SEPTIN8: variants seen among roughly 807,000 people sequenced by gnomAD.
The protein encoded by SEPTIN8 is septin 8.
A neutral mutation model predicts 53.1 loss-of-function variants in SEPTIN8; 22 were observed. The ratio of observed to expected loss-of-function variants is 0.41; its 90% CI spans 0.30 to 0.59. SEPTIN8 has a LOEUF of 0.59. Ranked by LOEUF, SEPTIN8 falls within the 20% of genes least tolerant of loss-of-function variation. The pLI is 0.24. For missense variants in SEPTIN8, 536 were observed against 638.7 expected (o/e 0.84, Z 1.73); for synonymous variants, 228 against 248.4 (o/e 0.92, Z 0.77).
In SEPTIN8 at chr5:132,751,992, G is replaced by A. The variant is rs78904826; in HGVS notation, c.*24C>T. 5.0e-6 allele frequency: 8 copies of A among 1,611,854 alleles called. No homozygotes were observed. Among genetic ancestry groups the A allele is most frequent in the Admixed American group, 1.7e-5 (1 of 59,832 alleles). ...TCCATGCCCTGGTGGTCCTGAGCTGGCCCCATGTGTTGGAGCTGCTGCCTC... is the reference window on the plus strand; with the variant it reads ...TCCATGCCCTGGTGGTCCTGAGCTGACCCCATGTGTTGGAGCTGCTGCCTC... On this transcript the variant is annotated 3_prime_UTR_variant, in exon 10 of 10. Coordinates refer to ENST00000378719, the MANE Select transcript of SEPTIN8 (RefSeq NM_001098811.2).
At chr5:132,763,137 A>G (rs1054962622) in intron 4 of SEPTIN8, among the ~76,000 whole-genome samples, 1 of 152,158 alleles carries the variant, frequency 6.6e-6, no homozygotes, top group African/African-American at 2.4e-5. Context: ...CTGACAAGGG[A>G]TGTGGGGTCA....
intron 9 of SEPTIN8, among the ~76,000 whole-genome samples, chr5:132,759,697 G>A (rs56757437): frequency 1.3e-5 from 2 of 152,226 alleles, no homozygotes; most frequent in South Asian, 2.1e-4. Context: ...CGAGAATGAC[G>A]GCCAGGTTGG....
chr5:132,764,571 C>A, intron 2 of SEPTIN8, 152 bp from the exon 3 acceptor site: 2 of 622,816 alleles, frequency 3.2e-6, no homozygotes, highest in Non-Finnish European at 5.6e-6. Flanking sequence ...TCATCACCCC[C>A]ATTCCCCAGG....
Position 132,750,888 on chromosome 5 carries a change from A to G in SEPTIN8, c.*1128T>C, listed in dbSNP as rs1438061308. The stretch of plus-strand genomic sequence containing the variant: ...CCACAAGTAAAAGACTTCACAAAGC[A>G]CTATGGCTCTGACTATTCCCCGAAT... On this transcript the variant is annotated 3_prime_UTR_variant, in exon 10 of 10. Coordinates refer to ENST00000378719, the MANE Select transcript of SEPTIN8 (RefSeq NM_001098811.2). The G allele has an allele frequency of 4.3e-6, 7 of 1,614,132 alleles. No homozygotes were observed. In the African/African-American group the frequency reaches 9.3e-5, roughly 22 times the overall value.
rs962313831 is a variant in SEPTIN8, at chr5:132,763,824, C to T, written c.416G>A (p.Arg139His). Residue 139 changes from arginine (R) to histidine (H), a missense_variant, in exon 4 of 10, where the codon CGC (arginine) becomes CAC (histidine). Coordinates refer to ENST00000378719, the MANE Select transcript of SEPTIN8 (RefSeq NM_001098811.2). ...ENYLQEELKIRRSLFDYHDTR... is the reference protein window; with the variant it reads ...ENYLQEELKIHRSLFDYHDTR... The stretch of plus-strand genomic sequence containing the variant: ...GTCATGGTAGTCGAAGAGCGAGCGG[C>T]GGATCTTCAGCTCCTCCTGCAGATA... The T allele has an allele frequency of 1.6e-5, 26 of 1,610,700 alleles. No individual in the cohort carries two copies. Among genetic ancestry groups the T allele is most frequent in the Middle Eastern group, 1.7e-4 (1 of 6,058 alleles).
intron 1 of SEPTIN8, among the ~76,000 whole-genome samples, chr5:132,770,352 G>C (rs550237973): frequency 6.6e-6 from 1 of 151,464 alleles, no homozygotes; most frequent in Non-Finnish European, 1.5e-5. Context: ...GCTGATTTTT[G>C]TATTTTTAGT....
At chr5:132,764,968 C>A (rs1201149376) in intron 2 of SEPTIN8, among the ~76,000 whole-genome samples, 1 of 151,962 alleles carries the variant, frequency 6.6e-6, no homozygotes, top group Non-Finnish European at 1.5e-5. Context: ...TCCCAGGGAA[C>A]CTCCGAGAGC....
In SEPTIN8 at chr5:132,760,328, C is replaced by T. The variant is rs1298134929; in HGVS notation, c.1286+474G>A. On this transcript the variant is annotated intron_variant, in intron 9 of 9. Coordinates refer to ENST00000378719, the MANE Select transcript of SEPTIN8 (RefSeq NM_001098811.2). This position sits in a 1 kb window ranked among gnomAD's most constrained non-coding sequence, Gnocchi z 5.2. ...ATGCTGACATTCCCAGGTCCTGTCC[C>T]GCCCCTGGCCTGAAAGACCATTCCC... is the stretch of plus-strand genomic sequence containing the variant. Among the ~76,000 whole-genome samples the T allele has an allele frequency of 1.2e-4, 19 of 152,094 alleles. No individual in the cohort carries two copies. Among genetic ancestry groups the T allele is most frequent in the African/African-American group, 3.9e-4 (16 of 41,420 alleles).
rs767972564 is a variant in SEPTIN8 at position 132,754,537 on chromosome 5, G to C, written c.1287-2356C>G. 6.8e-5 allele frequency: 49 copies of C among 717,314 alleles called. 1 individual carries two copies. The highest frequency in any genetic ancestry group is 1.5e-4 in the South Asian group (10 of 67,588). The allele number at this position is 717,314 out of a possible 1,614,324, so 44.4% of individuals were successfully genotyped here. A position where few individuals can be genotyped will look rare whatever the true frequency, so the allele number is the denominator to read the frequency against. The stretch of plus-strand genomic sequence containing the variant: ...CTCAAACCTCTTGGAGAAAGCAGAG[G>C]GTAGACATGTGAGTCCTAGGACTGG... On this transcript the variant is annotated intron_variant, in intron 9 of 9. Transcript: ENST00000378719.
At chr5:132,765,940 G>A (rs538769862) in intron 1 of SEPTIN8, among the ~76,000 whole-genome samples, 1 of 152,326 alleles carries the variant, frequency 6.6e-6, no homozygotes, top group Non-Finnish European at 1.5e-5. Flanking sequence ...CCAGCTCTAG[G>A]AGACGGGGGA....
intron 2 of SEPTIN8, among the ~76,000 whole-genome samples, 167 bp downstream of exon 2, chr5:132,765,240 ACT>A (rs1164131161): frequency 5.3e-5 from 8 of 151,970 alleles, no homozygotes; most frequent in African/African-American, 1.9e-4. Flanking sequence ...CCTGGCTCTA[ACT>A]CTATCCTTGA....
Position 132,776,747 on chromosome 5 carries a change from A to G in SEPTIN8, c.30+361T>C, listed in dbSNP as rs957347152. ...CTCTTCCCCAAGTGTGCAGAAAGAA[A>G]CACCCTGGGCGATAGGGTCCGGAGT... is the stretch of plus-strand genomic sequence containing the variant. On this transcript the variant is annotated intron_variant, in intron 1 of 9. Transcript: ENST00000378719. The surrounding 1 kb of genome is among the most constrained non-coding windows in gnomAD (Gnocchi z 4.4). Among the ~76,000 whole-genome samples, 7 of 152,090 alleles carry G rather than the reference A, an allele frequency of 4.6e-5. No homozygotes were observed. Among genetic ancestry groups the G allele is most frequent in the African/African-American group, 1.7e-4 (7 of 41,390 alleles).
chr5:132,780,051 T>C (rs1412824027), upstream of SEPTIN8, among the ~76,000 whole-genome samples: 1 of 152,204 alleles, frequency 6.6e-6, no homozygotes, highest in Non-Finnish European at 1.5e-5. Context: ...TATGGTGATA[T>C]CTGCATTCCA....
upstream of SEPTIN8, chr5:132,778,013 G>A: frequency 1.0e-6 from 1 of 985,468 alleles, no homozygotes; most frequent in Non-Finnish European, 1.2e-6. Context: ...CAAAGAGGAT[G>A]ACCACTCCCA....
rs1412184507 is a variant in SEPTIN8, at chr5:132,773,727, C to A, written c.30+3381G>T. Among the ~76,000 whole-genome samples the A allele has an allele frequency of 1.3e-5, 2 of 152,224 alleles. No homozygotes were observed. The highest frequency in any genetic ancestry group is 1.3e-4 in the Admixed American group (2 of 15,288). On this transcript the variant is annotated intron_variant, in intron 1 of 9. Coordinates refer to ENST00000378719, the MANE Select transcript of SEPTIN8 (RefSeq NM_001098811.2). The surrounding 1 kb of genome is among the most constrained non-coding windows in gnomAD (Gnocchi z 4.2). ...AGTCTCCCTCCTCCTTGGCCCTGAG[C>A]TTGGTCTCCTCCTTGCCATCCTCTC...
upstream of SEPTIN8, chr5:132,778,202 T>C (rs942066934): frequency 3.3e-6 from 2 of 610,204 alleles, no homozygotes; most frequent in Non-Finnish European, 4.1e-6. Context: ...TTCTCTCTGC[T>C]CTTTCTGGGA....
At chr5:132,767,353 A>G (rs1381868755) in intron 1 of SEPTIN8, among the ~76,000 whole-genome samples, 1 of 151,832 alleles carries the variant, frequency 6.6e-6, no homozygotes, top group Non-Finnish European at 1.5e-5. Flanking sequence ...GGTAACTCTG[A>G]GCTCTCTTTT....
At chr5:132,763,319 G>T (rs1036472476) in intron 4 of SEPTIN8, among the ~76,000 whole-genome samples, 4 of 152,342 alleles carry the variant, frequency 2.6e-5, no homozygotes, top group Non-Finnish European at 5.9e-5. Context: ...GAAGGGGGAA[G>T]TGAAAGGAGG....
chr5:132,756,917 C>G, intron 9 of SEPTIN8: 1 of 985,422 alleles, frequency 1.0e-6, no homozygotes, highest in Non-Finnish European at 1.2e-6. Context: ...CAGGCCTCAT[C>G]TTCATAAATA....
Sources: allele counts gnomAD v4.1 joint callset (sites outside exome capture counted in the v4.1 genomes callset), GRCh38; gene constraint gnomAD v4.1.1; non-coding constraint Gnocchi (gnomAD v3.1); transcripts MANE v1.5; gene names NCBI Gene and HGNC (gene_info 2026-07-23, HGNC 2026-07-21).